Variants in HS3ST4 observed in about 807,000 individuals in gnomAD.
The protein encoded by HS3ST4 is heparan sulfate-glucosamine 3-sulfotransferase 4.
Under a neutral mutation model 29.2 loss-of-function variants are expected in HS3ST4, and 17 were observed. That is an observed-to-expected ratio of 0.58 (90% CI 0.40 to 0.87). The LOEUF is 0.87. Among genes scored for constraint, HS3ST4 ranks in the 40% least tolerant of loss-of-function variants. The probability of loss-of-function intolerance (pLI) is 0.00; values close to 1 mark genes in which losing one functional copy is unlikely to be tolerated. For synonymous variants in HS3ST4, 314 were observed against 285.7 expected (o/e 1.10, Z -1.00); for missense variants, 627 against 634.5 (o/e 0.99, Z 0.13).
intron 1 of HS3ST4, chr16:25,933,443 G>GA: frequency 2.0e-6 from 1 of 503,568 alleles, no homozygotes; most frequent in Non-Finnish European, 4.0e-6. Flanking sequence ...TAGCACTGCT[G>GA]AAAAATCTAG....
At chr16:25,828,301 C>CTCTCTCTCTCTCTCTCTCTCTCT (rs1555467593) in intron 1 of HS3ST4, among the ~76,000 whole-genome samples, 1 of 32,882 alleles carries the variant, frequency 3.0e-5, no homozygotes. Flanking sequence ...TCTTTCTTTC[C>CTCTCTCTCTCTCTCTCTCTCTCT]CTCTCTCTCT....
rs1262254797 is a variant in HS3ST4 at position 25,692,237 on chromosome 16, G to A, written c.-181G>A. On this transcript the variant is annotated 5_prime_UTR_variant, in exon 1 of 2. Transcript: ENST00000331351. ...GGCCATGCGGCCGGGCTCCCCCCTG[G>A]CGCAGCGGGACAGCGGCCAGGGCCG... 6.7e-6 allele frequency: 1 copy of A among 148,364 alleles called. No homozygotes were observed. The highest frequency in any genetic ancestry group is 1.5e-5 in the Non-Finnish European group (1 of 66,760). The allele number at this position is 148,364 out of a possible 1,614,324, so 9.2% of individuals were successfully genotyped here. A position where few individuals can be genotyped will look rare whatever the true frequency, so the allele number is the denominator to read the frequency against.
chr16:26,131,538 G>A lies in HS3ST4; in HGVS notation c.735-4074G>A, dbSNP rs571677355. 1.4e-3 allele frequency among the ~76,000 whole-genome samples: 218 copies of A among 152,152 alleles called. 2 individuals are homozygous for A. Among genetic ancestry groups the A allele is most frequent in the Non-Finnish European group, 2.6e-3 (178 of 68,036 alleles). ...TGAGTATATTGAAGTGTCAGATGCAGTTAAAATGAACTTACTTAAAACCTA... is the reference window on the plus strand; with the variant it reads ...TGAGTATATTGAAGTGTCAGATGCAATTAAAATGAACTTACTTAAAACCTA... On this transcript the variant is annotated intron_variant, in intron 1 of 1. Transcript: ENST00000331351.
intron 1 of HS3ST4, among the ~76,000 whole-genome samples, chr16:25,887,621 T>G (rs1334646697): frequency 6.6e-6 from 1 of 151,840 alleles, no homozygotes; most frequent in African/African-American, 2.4e-5. Context: ...GAAGTCAGAA[T>G]GTTGAGCATG....
At chr16:26,093,231 G>C (rs1245449946) in intron 1 of HS3ST4, among the ~76,000 whole-genome samples, 2 of 152,198 alleles carry the variant, frequency 1.3e-5, no homozygotes, top group African/African-American at 2.4e-5. Flanking sequence ...TCTGAAGAGA[G>C]CAGTGGTTCT....
intron 1 of HS3ST4, among the ~76,000 whole-genome samples, chr16:25,856,403 A>G (rs1172933305): frequency 6.6e-6 from 1 of 152,106 alleles, no homozygotes; most frequent in Non-Finnish European, 1.5e-5. Flanking sequence ...CTAGTGGACA[A>G]TGATTTCATC....
intron 1 of HS3ST4, among the ~76,000 whole-genome samples, chr16:25,782,010 A>G (rs1438906422): frequency 6.6e-6 from 1 of 152,172 alleles, no homozygotes; most frequent in Admixed American, 6.5e-5. Flanking sequence ...AAAGAGATTT[A>G]ATTGGCTTAC....
At chr16:26,024,092 C>T (rs1227916711) in intron 1 of HS3ST4, among the ~76,000 whole-genome samples, 2 of 151,902 alleles carry the variant, frequency 1.3e-5, no homozygotes, top group African/African-American at 4.8e-5. Flanking sequence ...GATGTGGTGG[C>T]ACATGCCTGT....
intron 1 of HS3ST4, among the ~76,000 whole-genome samples, chr16:25,960,779 A>C (rs1411833079): frequency 6.6e-6 from 1 of 152,238 alleles, no homozygotes. Flanking sequence ...ATAAATGTTA[A>C]AAATCAGAGT....
chr16:25,822,400 A>T (rs1264201251), intron 1 of HS3ST4, among the ~76,000 whole-genome samples: 1 of 152,062 alleles, frequency 6.6e-6, no homozygotes, highest in Non-Finnish European at 1.5e-5. Context: ...CACCTCGGGG[A>T]GTTGGATTTC....
intron 1 of HS3ST4, among the ~76,000 whole-genome samples, chr16:25,964,158 A>G (rs1167476635): frequency 2.0e-5 from 3 of 149,004 alleles, no homozygotes; most frequent in Non-Finnish European, 4.4e-5. Context: ...CTGAGTGACA[A>G]GATTGAAACT....
intron 1 of HS3ST4, among the ~76,000 whole-genome samples, chr16:25,784,383 G>A (rs1966855382): frequency 6.6e-6 from 1 of 152,204 alleles, no homozygotes; most frequent in South Asian, 2.1e-4. Flanking sequence ...CATGTCTGCA[G>A]CTGAGATAAG....
intron 1 of HS3ST4, among the ~76,000 whole-genome samples, chr16:26,060,171 C>T (rs746825106): frequency 1.6e-4 from 24 of 152,068 alleles, no homozygotes; most frequent in Non-Finnish European, 3.1e-4. Context: ...TCAGAGAAAC[C>T]CAGCCCTGCC....
intron 1 of HS3ST4, among the ~76,000 whole-genome samples, chr16:25,855,864 A>C (rs1400525682): frequency 6.6e-6 from 1 of 152,032 alleles, no homozygotes; most frequent in Non-Finnish European, 1.5e-5. Context: ...CTGAGAGCTT[A>C]GTAGTGTTTT....
At chr16:26,033,209 A>G (rs1488513412) in intron 1 of HS3ST4, among the ~76,000 whole-genome samples, 1 of 151,916 alleles carries the variant, frequency 6.6e-6, no homozygotes, top group Non-Finnish European at 1.5e-5. Context: ...CACAGTTCCC[A>G]TTTCTAACAA....
chr16:25,908,632 G>A lies in HS3ST4; in HGVS notation c.734+215481G>A, dbSNP rs566682935. 1.7e-4 allele frequency among the ~76,000 whole-genome samples: 26 copies of A among 152,350 alleles called. 1 individual carries two copies. The highest frequency in any genetic ancestry group is 5.5e-4 in the African/African-American group (23 of 41,596). ...GGCATCAGGAATGAGCCAGGATGAG[G>A]ACAAACCCTCAAGGTCAAGTGTAGA... On this transcript the variant is annotated intron_variant, in intron 1 of 1. Coordinates refer to ENST00000331351, the MANE Select transcript of HS3ST4 (RefSeq NM_006040.3).
chr16:26,069,558 A>G (rs995994261), intron 1 of HS3ST4, among the ~76,000 whole-genome samples: 3 of 150,514 alleles, frequency 2.0e-5, no homozygotes, highest in African/African-American at 7.4e-5. Flanking sequence ...TTATATATAT[A>G]TATTTTTTTT....
At chr16:26,106,593 A>T (rs746552466) in intron 1 of HS3ST4, among the ~76,000 whole-genome samples, 2 of 152,218 alleles carry the variant, frequency 1.3e-5, no homozygotes, top group Non-Finnish European at 2.9e-5. Context: ...GAGACTAGCA[A>T]TATGGAATAA....
intron 1 of HS3ST4, among the ~76,000 whole-genome samples, chr16:26,072,403 G>A (rs540854226): frequency 2.6e-5 from 4 of 152,254 alleles, no homozygotes; most frequent in African/African-American, 9.6e-5. Flanking sequence ...GGGACACGGA[G>A]CATCAGAATT....
Sources: gnomAD v4.1 joint callset for allele counts (sites outside exome capture counted in the v4.1 genomes callset) on GRCh38, gnomAD v4.1.1 for gene constraint, MANE v1.5 for transcripts, NCBI Gene and HGNC (gene_info 2026-07-23, HGNC 2026-07-21) for gene names.